Variants in APAF1 observed in about 807,000 individuals in gnomAD.
The protein encoded by APAF1 is apoptotic peptidase activating factor 1.
A neutral mutation model predicts 152.4 loss-of-function variants in APAF1; 91 were observed. The observed-to-expected ratio is 0.60, with a 90% CI of 0.50 to 0.71. The LOEUF is 0.71. Among genes scored for constraint, APAF1 ranks in the 30% least tolerant of loss-of-function variants. The pLI is 0.00. For missense variants in APAF1, 1,283 were observed against 1,472.0 expected (o/e 0.87, Z 2.10); for synonymous variants, 484 against 494.1 (o/e 0.98, Z 0.27).
Position 98,727,354 on chromosome 12 carries a change from C to G in APAF1, c.3600+38C>G, listed in dbSNP as rs777684491. The stretch of plus-strand genomic sequence containing the variant: ...CAAGAACTGTGAAAGAAAATAATAG[C>G]CTATATCATACTTTCCAAGCTATTT... On this transcript the variant is annotated intron_variant, in intron 26 of 26. Transcript: ENST00000551964. 5 of 1,606,530 alleles carry G rather than the reference C, an allele frequency of 3.1e-6. No homozygotes were observed. The South Asian group carries it at 3.3e-5, about 11-fold the overall frequency.
intron 14 of APAF1, among the ~76,000 whole-genome samples, chr12:98,680,915 G>A (rs1260193147): frequency 6.6e-6 from 1 of 152,176 alleles, no homozygotes. Flanking sequence ...GATTCCTGTT[G>A]TAAGATACAA....
chr12:98,671,262 G>A (rs2097679786), intron 11 of APAF1, among the ~76,000 whole-genome samples, 176 bp downstream of exon 11: 1 of 152,026 alleles, frequency 6.6e-6, no homozygotes, highest in Non-Finnish European at 1.5e-5. Flanking sequence ...AAGTAGGTAG[G>A]ATTGAAGTTT....
At chr12:98,653,729 TTAAC>T (rs1171806883) in intron 4 of APAF1, among the ~76,000 whole-genome samples, 1 of 121,270 alleles carries the variant, frequency 8.2e-6, no homozygotes, top group Non-Finnish European at 1.7e-5. Context: ...TATATAGTTT[TTAAC>T]TATTTATGTC....
chr12:98,732,109 T>C (rs1309000160), intron 26 of APAF1, among the ~76,000 whole-genome samples: 1 of 151,612 alleles, frequency 6.6e-6, no homozygotes, highest in African/African-American at 2.4e-5. Flanking sequence ...GACAAGAGAG[T>C]TGAGTCTGGC....
At chr12:98,676,772 A>G (rs1327928039) in intron 12 of APAF1, among the ~76,000 whole-genome samples, 6 of 150,976 alleles carry the variant, frequency 4.0e-5, no homozygotes, top group Admixed American at 3.3e-4. Context: ...TCAGCCTCCC[A>G]AGTAGCTGGG....
At position 98,665,528 on chromosome 12, in the gene APAF1, T is replaced by C. The variant is rs758566308; in HGVS notation, c.956-25T>C. On this transcript the variant is annotated intron_variant, in intron 7 of 26. Transcript: ENST00000551964. ...GTGACAAAATAGGATGGTATTAGCA[T>C]AGTGACTTCATTTTTTTTTTAAAGG... The C allele has an allele frequency of 1.7e-5, 25 of 1,489,996 alleles. No homozygotes were observed. In the East Asian group the frequency reaches 5.4e-4, roughly 32 times the overall value. The allele number at this position is 1,489,996 out of a possible 1,614,324, so 92.3% of individuals were successfully genotyped here. A position where few individuals can be genotyped will look rare whatever the true frequency, so the allele number is the denominator to read the frequency against.
chr12:98,674,536 A>G (rs898595944), intron 12 of APAF1, among the ~76,000 whole-genome samples: 106 of 152,124 alleles, frequency 7.0e-4, no homozygotes, highest in African/African-American at 2.5e-3. Context: ...GCCCCATATC[A>G]TAGGATTTGT....
At chr12:98,707,160 C>T (rs964763675) in intron 19 of APAF1, among the ~76,000 whole-genome samples, 4 of 152,078 alleles carry the variant, frequency 2.6e-5, no homozygotes, top group African/African-American at 9.7e-5. Context: ...GCTCCCTTGT[C>T]TACCAAAGTA....
intron 18 of APAF1, 69 bp downstream of exon 18, chr12:98,703,568 C>G (rs938161062): frequency 1.4e-5 from 22 of 1,587,090 alleles, no homozygotes; most frequent in Non-Finnish European, 1.9e-5. Context: ...GAATGGGCAG[C>G]TTAAACCATT....
At chr12:98,687,192 GTC>G (rs1295407342) in intron 16 of APAF1, among the ~76,000 whole-genome samples, 1 of 151,890 alleles carries the variant, frequency 6.6e-6, no homozygotes, top group Non-Finnish European at 1.5e-5. Context: ...GTGAAACCCC[GTC>G]TCTACTAAAA....
rs1037309210 is a variant in APAF1, at chr12:98,723,819, G to A, written c.3330+55G>A. On this transcript the variant is annotated intron_variant, in intron 24 of 26. Transcript: ENST00000551964. ...AACTTTGGTAGTGGTTATGTATAAT[G>A]AGTTCAAATAATATATGCAAAAGGA... The A allele has an allele frequency of 4.7e-5, 73 of 1,564,974 alleles. No homozygotes were observed. The African/African-American group carries it at 9.2e-4, about 20-fold the overall frequency.
At chr12:98,660,709 C>T (rs919472653) in intron 5 of APAF1, among the ~76,000 whole-genome samples, 2 of 152,086 alleles carry the variant, frequency 1.3e-5, no homozygotes, top group Non-Finnish European at 2.9e-5. Context: ...CCAAGTGCTG[C>T]AAGTACAAAG....
At chr12:98,668,723 A>T (rs1169912894) in intron 10 of APAF1, among the ~76,000 whole-genome samples, 1 of 152,224 alleles carries the variant, frequency 6.6e-6, no homozygotes, top group African/African-American at 2.4e-5. Flanking sequence ...ATGAACTGAA[A>T]CAGGGGTCTT....
intron 16 of APAF1, among the ~76,000 whole-genome samples, chr12:98,692,942 T>A (rs145559611): frequency 9.2e-5 from 14 of 152,302 alleles, no homozygotes; most frequent in African/African-American, 3.1e-4. Flanking sequence ...TAGTTCTGTT[T>A]TAAGTTATTT....
Position 98,648,762 on chromosome 12 carries a change from C to T in APAF1, c.275C>T (p.Pro92Leu). 1.2e-6 allele frequency: 2 copies of T among 1,614,010 alleles called. No individual in the cohort carries two copies. The highest frequency in any genetic ancestry group is 1.7e-5 in the Admixed American group (1 of 60,026). Residue 92 changes from proline to leucine, a missense_variant, in exon 3 of 27, where the codon CCT (proline) becomes CTT (leucine). Physicochemically the swap from Pro to Leu is moderately conservative, Grantham distance 98. Coordinates refer to ENST00000551964, the MANE Select transcript of APAF1 (RefSeq NM_181861.2). The stretch of plus-strand genomic sequence containing the variant: ...GCTGCCCTTCTCCATGATGGCATTC[C>T]TGTTGTCTCTTCTTCCAGTGGTAAA... ...DLAALLHDGI[P>L]VVSSSSGKDS...
intron 9 of APAF1, among the ~76,000 whole-genome samples, chr12:98,667,048 T>G (rs1478096271): frequency 6.6e-6 from 1 of 151,982 alleles, no homozygotes; most frequent in African/African-American, 2.4e-5. Flanking sequence ...TAAAGTGGTA[T>G]CTGCCAGGTT....
At chr12:98,673,003 C>T (rs1037450936) in intron 12 of APAF1, among the ~76,000 whole-genome samples, 2 of 151,740 alleles carry the variant, frequency 1.3e-5, no homozygotes, top group Admixed American at 6.6e-5. Flanking sequence ...GGTGATCCAC[C>T]CGCCTCAGCC....
intron 5 of APAF1, among the ~76,000 whole-genome samples, chr12:98,659,831 G>GA (rs923282482): frequency 2.1e-4 from 30 of 142,780 alleles, no homozygotes; most frequent in South Asian, 1.3e-3. Context: ...TATTTAAAAC[G>GA]AAAAAAAAAA....
At position 98,685,013 on chromosome 12, in the gene APAF1, T is replaced by C. The variant is rs566726846; in HGVS notation, c.2179-1735T>C. 5.3e-5 allele frequency among the ~76,000 whole-genome samples: 8 copies of C among 152,352 alleles called. No individual in the cohort carries two copies. In the South Asian group the frequency reaches 1.5e-3, roughly 28 times the overall value. On this transcript the variant is annotated intron_variant, in intron 15 of 26. Coordinates refer to ENST00000551964, the MANE Select transcript of APAF1 (RefSeq NM_181861.2). ...GTGAAGCTGCCTTCATGTAACTTGC[T>C]TTATCTGAAGAATTGAGTTTATCTA...
Sources: gnomAD v4.1 joint callset for allele counts (sites outside exome capture counted in the v4.1 genomes callset) on GRCh38, gnomAD v4.1.1 for gene constraint, MANE v1.5 for transcripts, NCBI Gene and HGNC (gene_info 2026-07-23, HGNC 2026-07-21) for gene names.